Variants in CACNA2D3 observed in about 807,000 individuals in gnomAD.
CACNA2D3 encodes the protein voltage-dependent calcium channel subunit alpha-2/delta-3.
CACNA2D3 carries 60 observed loss-of-function variants against 160.6 expected under a neutral mutation model. The ratio of observed to expected loss-of-function variants is 0.37; its 90% CI spans 0.30 to 0.46. The LOEUF is 0.46. Ranked by LOEUF, CACNA2D3 falls within the 20% of genes least tolerant of loss-of-function variation. The probability of loss-of-function intolerance (pLI) is 1.00; values close to 1 mark genes in which losing one functional copy is unlikely to be tolerated. For synonymous variants in CACNA2D3, 558 were observed against 492.9 expected (o/e 1.13, Z -1.75); for missense variants, 1,205 against 1,365.0 (o/e 0.88, Z 1.85).
chr3:54,191,652 G>C (rs1456605415), intron 2 of CACNA2D3, among the ~76,000 whole-genome samples: 1 of 152,116 alleles, frequency 6.6e-6, no homozygotes, highest in Admixed American at 6.5e-5. Context: ...CCTCCCTCAT[G>C]GACAGGTTGG....
At chr3:54,325,701 G>A (rs367754780) in intron 3 of CACNA2D3, among the ~76,000 whole-genome samples, 1 of 152,182 alleles carries the variant, frequency 6.6e-6, no homozygotes, top group Admixed American at 6.5e-5. Context: ...CAATTAATTA[G>A]TTGTATCTAA....
chr3:54,889,502 A>G (rs1431350846), intron 24 of CACNA2D3, among the ~76,000 whole-genome samples: 1 of 152,150 alleles, frequency 6.6e-6, no homozygotes, highest in East Asian at 1.9e-4. Flanking sequence ...AGGTTGAGCC[A>G]TCAAGGATCA....
rs144325507 is a variant in CACNA2D3 at position 54,573,450 on chromosome 3, A to T, written c.888+3346A>T. On this transcript the variant is annotated intron_variant, in intron 8 of 37. Transcript: ENST00000474759. ...ACATATTCTAAATGTTTCTGTGTATATGAGCACACAGTCTTTTCGCAAAAA... is the reference window on the plus strand; with the variant it reads ...ACATATTCTAAATGTTTCTGTGTATTTGAGCACACAGTCTTTTCGCAAAAA... Among the ~76,000 whole-genome samples, 933 of 152,354 alleles carry T rather than the reference A, an allele frequency of 6.1e-3. 14 individuals carry two copies. The highest frequency in any genetic ancestry group is 0.032 in the East Asian group (168 of 5,186).
chr3:54,968,391 T>C, intron 27 of CACNA2D3, 59 bp from the exon 28 acceptor site: 1 of 1,142,226 alleles, frequency 8.8e-7, no homozygotes, highest in South Asian at 1.3e-5. Context: ...TCAACGATAA[T>C]CTTAAATAAT....
chr3:54,904,646 AC>A (rs1328154752), intron 27 of CACNA2D3, among the ~76,000 whole-genome samples: 1 of 152,196 alleles, frequency 6.6e-6, no homozygotes, highest in East Asian at 1.9e-4. Flanking sequence ...AAGGGCAAAG[AC>A]CCAATTATCT....
intron 5 of CACNA2D3, among the ~76,000 whole-genome samples, chr3:54,556,546 CCAGTTTG>C (rs1702244953): frequency 6.6e-6 from 1 of 152,104 alleles, no homozygotes; most frequent in Admixed American, 6.5e-5. Flanking sequence ...TTTAAGCCAT[CCAGTTTG>C]CAGTATTTTG....
At chr3:54,645,874 A>G (rs924868414) in intron 11 of CACNA2D3, among the ~76,000 whole-genome samples, 4 of 152,072 alleles carry the variant, frequency 2.6e-5, no homozygotes, top group African/African-American at 4.8e-5. Context: ...GAGCAATCCT[A>G]CTGCCTTTCA....
intron 32 of CACNA2D3, 136 bp from the exon 33 acceptor site, chr3:55,007,654 G>A: frequency 1.6e-6 from 1 of 608,722 alleles, no homozygotes; most frequent in South Asian, 2.1e-5. Flanking sequence ...TCTTCACTTA[G>A]CTAGAACGCC....
At chr3:54,302,085 G>A (rs1227166421) in intron 2 of CACNA2D3, among the ~76,000 whole-genome samples, 1 of 152,220 alleles carries the variant, frequency 6.6e-6, no homozygotes, top group Non-Finnish European at 1.5e-5. Flanking sequence ...TAGCATTGGT[G>A]TGTAACAGCA....
chr3:55,007,875 T>C (rs1345851479), intron 33 of CACNA2D3, 33 bp downstream of exon 33: 20 of 1,440,018 alleles, frequency 1.4e-5, no homozygotes, highest in Non-Finnish European at 1.9e-5. Flanking sequence ...TTTTGAAAAG[T>C]ATTAATATTT....
At chr3:54,784,968 C>T (rs1702607432) in intron 13 of CACNA2D3, among the ~76,000 whole-genome samples, 2 of 152,220 alleles carry the variant, frequency 1.3e-5, no homozygotes, top group Non-Finnish European at 2.9e-5. Flanking sequence ...TACCTCTCTA[C>T]ACTCTTGGGA....
chr3:54,674,387 A>T (rs912956402), intron 11 of CACNA2D3, among the ~76,000 whole-genome samples: 1 of 152,152 alleles, frequency 6.6e-6, no homozygotes, highest in African/African-American at 2.4e-5. Context: ...GGGAAGGAGG[A>T]TGGAAGTTTG....
At chr3:54,221,837 A>AT (rs931516800) in intron 2 of CACNA2D3, among the ~76,000 whole-genome samples, 2 of 150,496 alleles carry the variant, frequency 1.3e-5, no homozygotes, top group Non-Finnish European at 1.5e-5. Context: ...GTTACTTTTT[A>AT]TTTTTTTTTC....
rs1701671817 is a variant in CACNA2D3, at chr3:54,523,068, C to T, written c.544+19414C>T. 3.3e-5 allele frequency among the ~76,000 whole-genome samples: 5 copies of T among 151,950 alleles called. No individual in the cohort carries two copies. In the South Asian group the frequency reaches 1.0e-3, roughly 32 times the overall value. ...GTATGTTATTTCATTGTTTTGATGGCCTTTATTGTTTCTAGTAAAAGTGTT... is the reference window on the plus strand; with the variant it reads ...GTATGTTATTTCATTGTTTTGATGGTCTTTATTGTTTCTAGTAAAAGTGTT... On this transcript the variant is annotated intron_variant, in intron 5 of 37. Coordinates refer to ENST00000474759, the MANE Select transcript of CACNA2D3 (RefSeq NM_018398.3).
intron 2 of CACNA2D3, among the ~76,000 whole-genome samples, chr3:54,299,028 G>C (rs1703410204): frequency 6.6e-6 from 1 of 151,226 alleles, no homozygotes; most frequent in Non-Finnish European, 1.5e-5. Flanking sequence ...ATTTGGGTCT[G>C]GATCCACAGT....
At chr3:54,899,645 C>T (rs533006786) in intron 26 of CACNA2D3, 143 bp from the exon 27 acceptor site, 1 of 620,506 alleles carries the variant, frequency 1.6e-6, no homozygotes, top group South Asian at 2.0e-5. Flanking sequence ...GGCAGAGCAT[C>T]CACACCTCAG....
chr3:54,687,663 C>T (rs976219446), intron 11 of CACNA2D3, among the ~76,000 whole-genome samples: 6 of 152,078 alleles, frequency 3.9e-5, no homozygotes, highest in African/African-American at 1.4e-4. Flanking sequence ...ATGTTGGAGA[C>T]ACAACACTGA....
At chr3:54,676,329 A>G (rs977477612) in intron 11 of CACNA2D3, among the ~76,000 whole-genome samples, 23 of 152,116 alleles carry the variant, frequency 1.5e-4, no homozygotes, top group African/African-American at 5.6e-4. Flanking sequence ...GAATGGTTTT[A>G]TTGCTAGCTT....
chr3:55,019,637 C>T (rs374735944), intron 35 of CACNA2D3, among the ~76,000 whole-genome samples: 1 of 152,130 alleles, frequency 6.6e-6, no homozygotes, highest in African/African-American at 2.4e-5. Flanking sequence ...GCTAAATGCT[C>T]TTTGAGATCG....
Sources: gnomAD v4.1 joint callset for allele counts (sites outside exome capture counted in the v4.1 genomes callset) on GRCh38, gnomAD v4.1.1 for gene constraint, MANE v1.5 for transcripts, NCBI Gene and HGNC (gene_info 2026-07-23, HGNC 2026-07-21) for gene names.